ELL: variants seen among roughly 807,000 people sequenced by gnomAD.
ELL encodes RNA polymerase II elongation factor ELL.
ELL carries 18 observed loss-of-function variants against 64.0 expected under a neutral mutation model. The observed-to-expected ratio is 0.28, with a 90% confidence interval of 0.19 to 0.42. The LOEUF (loss-of-function observed/expected upper bound fraction) is 0.42, where lower values mean the gene tolerates loss of function less well. ELL is among the 10% of genes least tolerant of loss of function. The pLI is 1.00. For synonymous variants in ELL, 399 were observed against 376.2 expected (o/e 1.06, Z -0.70); for missense variants, 797 against 870.4 (o/e 0.92, Z 1.06).
At chr19:18,510,280 G>C (rs542483946) in intron 1 of ELL, among the ~76,000 whole-genome samples, 2 of 152,250 alleles carry the variant, frequency 1.3e-5, no homozygotes, top group African/African-American at 2.4e-5. Flanking sequence ...TGAGGCACGA[G>C]AATTGCTTGA....
Position 18,501,259 on chromosome 19 carries a change from G to C in ELL, c.135+20662C>G, listed in dbSNP as rs925181874. On this transcript the variant is annotated intron_variant, in intron 1 of 11. Transcript: ENST00000262809. This position sits in a 1 kb window ranked among gnomAD's most constrained non-coding sequence, Gnocchi z 4.5. ...GGTGAGCACAGCCATGGACCACAGAGAGTAACGCAAGTGGGCAAAACACAT... is the reference window on the plus strand; with the variant it reads ...GGTGAGCACAGCCATGGACCACAGACAGTAACGCAAGTGGGCAAAACACAT... Among the ~76,000 whole-genome samples, 8 of 152,136 alleles carry C rather than the reference G, an allele frequency of 5.3e-5. No homozygotes were observed. The highest frequency in any genetic ancestry group is 1.0e-4 in the Non-Finnish European group (7 of 68,014).
At chr19:18,478,647 T>C (rs1975228022) in intron 1 of ELL, among the ~76,000 whole-genome samples, 1 of 152,230 alleles carries the variant, frequency 6.6e-6, no homozygotes, top group Admixed American at 6.5e-5. Flanking sequence ...ACAGCTGGCC[T>C]GACACAGTCA....
At chr19:18,465,225 T>G (rs767636055) in intron 4 of ELL, among the ~76,000 whole-genome samples, 187 bp downstream of exon 4, 4 of 152,096 alleles carry the variant, frequency 2.6e-5, no homozygotes, top group Non-Finnish European at 5.9e-5. Context: ...CCCAGGCCCA[T>G]GTGGCCATAC....
chr19:18,451,174 T>C (rs1974525301), intron 7 of ELL, among the ~76,000 whole-genome samples, 199 bp from the exon 8 acceptor site: 1 of 152,158 alleles, frequency 6.6e-6, no homozygotes, highest in Non-Finnish European at 1.5e-5. Context: ...CTGGGATCGA[T>C]GCAGGGGGAG....
At chr19:18,473,124 G>C (rs1238455676) in intron 1 of ELL, 1 of 677,412 alleles carries the variant, frequency 1.5e-6, no homozygotes, top group Non-Finnish European at 2.7e-6. Flanking sequence ...GGTAAGAATG[G>C]GGCCTCCAGA....
chr19:18,505,307 T>G (rs920057867), intron 1 of ELL, among the ~76,000 whole-genome samples: 29 of 152,308 alleles, frequency 1.9e-4, no homozygotes, highest in African/African-American at 6.0e-4. Flanking sequence ...TGAAGATAGC[T>G]TTTGCTATTC....
At chr19:18,465,739 A>G in intron 3 of ELL, 58 bp downstream of exon 3, 1 of 1,429,204 alleles carries the variant, frequency 7.0e-7, no homozygotes. Context: ...CCTGGGCCAG[A>G]GGTGGCAGGG....
At chr19:18,454,745 G>A (rs1346480355) in intron 6 of ELL, among the ~76,000 whole-genome samples, 1 of 149,980 alleles carries the variant, frequency 6.7e-6, no homozygotes. Flanking sequence ...GGAAGCTGAG[G>A]TAGGCGAATC....
intron 1 of ELL, among the ~76,000 whole-genome samples, chr19:18,498,928 C>G (rs563608854): frequency 5.3e-5 from 8 of 150,926 alleles, no homozygotes; most frequent in Non-Finnish European, 1.2e-4. Flanking sequence ...CCAGCCTGGG[C>G]AACAGAGCGA....
intron 4 of ELL, 28 bp from the exon 5 acceptor site, chr19:18,461,880 A>G (rs1460409120): frequency 7.5e-6 from 12 of 1,598,156 alleles, no homozygotes; most frequent in Non-Finnish European, 1.0e-5. Flanking sequence ...GCTTTAGGGA[A>G]CAGAGAGGGC....
intron 1 of ELL, among the ~76,000 whole-genome samples, chr19:18,516,638 G>C (rs1178269946): frequency 6.6e-6 from 1 of 152,112 alleles, no homozygotes; most frequent in Non-Finnish European, 1.5e-5. Context: ...CACCGGCTCT[G>C]TACGAACCTC....
intron 1 of ELL, among the ~76,000 whole-genome samples, chr19:18,520,466 G>A (rs1976240692): frequency 6.6e-6 from 1 of 152,098 alleles, no homozygotes; most frequent in Middle Eastern, 3.2e-3. Context: ...TTGACAAGGT[G>A]CGAACTTGCT....
At chr19:18,504,920 T>C (rs1975851534) in intron 1 of ELL, among the ~76,000 whole-genome samples, 1 of 152,182 alleles carries the variant, frequency 6.6e-6, no homozygotes, top group African/African-American at 2.4e-5. Context: ...CCTGGGGATG[T>C]GTGATGCCTG....
chr19:18,459,219 C>T (rs1293091758), intron 5 of ELL, among the ~76,000 whole-genome samples: 4 of 152,248 alleles, frequency 2.6e-5, no homozygotes, highest in East Asian at 1.9e-4. Flanking sequence ...GAGTCAGCCA[C>T]GGCTGGGGAT....
chr19:18,444,641 C>A lies in ELL; in HGVS notation c.*111G>T. The A allele has an allele frequency of 5.7e-6, 7 of 1,219,312 alleles. No individual in the cohort carries two copies. The highest frequency in any genetic ancestry group is 1.5e-5 in the South Asian group (1 of 67,420). 75.5% of individuals were successfully genotyped at this position (1,219,312 alleles called of 1,614,324 possible). A position where few individuals can be genotyped will look rare whatever the true frequency, so the allele number is the denominator to read the frequency against. Reference sequence around the variant, plus strand: ...CTGCAGGGGCTGCCCTGAAAGCCGGCGGTGCTGGCTCAGATGAGCATCTTC... The same window carrying A: ...CTGCAGGGGCTGCCCTGAAAGCCGGAGGTGCTGGCTCAGATGAGCATCTTC... On this transcript the variant is annotated 3_prime_UTR_variant, in exon 12 of 12. Coordinates refer to ENST00000262809, the MANE Select transcript of ELL (RefSeq NM_006532.4).
chr19:18,488,220 G>C (rs1009451448), intron 1 of ELL, among the ~76,000 whole-genome samples: 1 of 152,166 alleles, frequency 6.6e-6, no homozygotes, highest in Non-Finnish European at 1.5e-5. Context: ...GTGGGTAAGC[G>C]TACACCAAGA....
At chr19:18,493,147 A>C (rs900041769) in intron 1 of ELL, among the ~76,000 whole-genome samples, 4 of 151,972 alleles carry the variant, frequency 2.6e-5, no homozygotes, top group Admixed American at 6.6e-5. Context: ...GGAAAGATGG[A>C]GCTTATCCCA....
chr19:18,445,571 A>G, intron 10 of ELL, among the ~76,000 whole-genome samples: 1 of 150,684 alleles, frequency 6.6e-6, no homozygotes, highest in Non-Finnish European at 1.5e-5. Context: ...GGGTGCAGCA[A>G]AGAGGGAGGG....
At chr19:18,509,582 TGCGCGC>T (rs138250487) in intron 1 of ELL, among the ~76,000 whole-genome samples, 5 of 95,538 alleles carry the variant, frequency 5.2e-5, no homozygotes, top group Admixed American at 9.9e-5. Flanking sequence ...CCAATGCACG[TGCGCGC>T]GCGCGCACAT....
Sources: gnomAD v4.1 joint callset for allele counts (sites outside exome capture counted in the v4.1 genomes callset) on GRCh38, gnomAD v4.1.1 for gene constraint, Gnocchi (gnomAD v3.1) non-coding constraint, MANE v1.5 for transcripts, NCBI Gene and HGNC (gene_info 2026-07-23, HGNC 2026-07-21) for gene names.